Variants in PDE11A observed in about 807,000 individuals in gnomAD.
PDE11A encodes the protein dual 3',5'-cyclic-AMP and -GMP phosphodiesterase 11A.
Under a neutral mutation model 100.5 loss-of-function variants are expected in PDE11A, and 100 were observed. The ratio of observed to expected loss-of-function variants is 1.00; its 90% CI spans 0.85 to 1.18. PDE11A has a LOEUF of 1.18. PDE11A is among the 50% of genes most tolerant of loss of function. PDE11A has a pLI of 0.00. For synonymous variants in PDE11A, 381 were observed against 420.8 expected, an observed-to-expected ratio of 0.91 and a Z score of 1.16; for missense variants, 1,141 against 1,152.6, an observed-to-expected ratio of 0.99 and a Z score of 0.15.
At chr2:177,655,690 C>T (rs1477471650) in intron 19 of PDE11A, among the ~76,000 whole-genome samples, 1 of 152,148 alleles carries the variant, frequency 6.6e-6, no homozygotes, top group Non-Finnish European at 1.5e-5. Flanking sequence ...AGGTACACAC[C>T]ACCATGCCTG....
At chr2:178,016,558 G>A (rs1028334427) in intron 1 of PDE11A, among the ~76,000 whole-genome samples, 1 of 151,586 alleles carries the variant, frequency 6.6e-6, no homozygotes, top group Non-Finnish European at 1.5e-5. Flanking sequence ...ATGTATAGAT[G>A]TATATTTATA....
intron 4 of PDE11A, among the ~76,000 whole-genome samples, chr2:177,882,560 T>C (rs1295074894): frequency 1.3e-5 from 2 of 152,198 alleles, no homozygotes; most frequent in African/African-American, 4.8e-5. Flanking sequence ...TAAATTAATA[T>C]ACACACACTA....
At chr2:177,746,209 G>A (rs558783608) in intron 10 of PDE11A, among the ~76,000 whole-genome samples, 15 of 152,288 alleles carry the variant, frequency 9.8e-5, no homozygotes, top group South Asian at 2.1e-4. Context: ...AAAAAAATTC[G>A]TAGGTAAATT....
intron 6 of PDE11A, among the ~76,000 whole-genome samples, chr2:177,824,684 T>C (rs2105593570): frequency 6.6e-6 from 1 of 152,224 alleles, no homozygotes; most frequent in East Asian, 1.9e-4. Flanking sequence ...GCATTATTTA[T>C]CTTAGTGATT....
intron 2 of PDE11A, among the ~76,000 whole-genome samples, chr2:178,095,851 G>A (rs1038299217): frequency 1.3e-5 from 2 of 152,266 alleles, no homozygotes; most frequent in South Asian, 2.1e-4. Flanking sequence ...CTGAAGCAAC[G>A]ACCTGAGCTG....
At chr2:177,759,934 T>C (rs1558924673) in intron 10 of PDE11A, among the ~76,000 whole-genome samples, 1 of 152,212 alleles carries the variant, frequency 6.6e-6, no homozygotes, top group East Asian at 1.9e-4. Flanking sequence ...CATTCATGCT[T>C]ATTTGACCCC....
chr2:178,023,389 G>A (rs62183445), intron 1 of PDE11A, among the ~76,000 whole-genome samples: 34,471 of 152,118 alleles, frequency 0.23, 4,013 homozygotes, highest in African/African-American at 0.25. Flanking sequence ...TACTTTCTCA[G>A]AGAAATCACT....
intron 2 of PDE11A, among the ~76,000 whole-genome samples, chr2:177,989,707 A>G (rs529743132): frequency 2.6e-4 from 40 of 152,296 alleles, no homozygotes; most frequent in African/African-American, 9.1e-4. Context: ...GGTTAGGAGC[A>G]TTTATCTAAA....
chr2:177,867,614 T>A (rs1025670963), intron 5 of PDE11A, among the ~76,000 whole-genome samples: 3 of 152,120 alleles, frequency 2.0e-5, no homozygotes, highest in Admixed American at 2.0e-4. Flanking sequence ...TAGTCCTAGC[T>A]ACTCGGCAGG....
chr2:177,946,424 T>C (rs1574299436), intron 2 of PDE11A, among the ~76,000 whole-genome samples: 1 of 57,484 alleles, frequency 1.7e-5, no homozygotes, highest in African/African-American at 7.5e-5. Context: ...GGAGCCCCTC[T>C]GCCCGGCCAG....
chr2:177,892,163 A>G (rs748503881), intron 4 of PDE11A, among the ~76,000 whole-genome samples: 2 of 152,216 alleles, frequency 1.3e-5, no homozygotes, highest in Non-Finnish European at 2.9e-5. Flanking sequence ...TTTTAACGTC[A>G]TATTGGCTCC....
chr2:177,984,673 A>G (rs2085920861), intron 2 of PDE11A, among the ~76,000 whole-genome samples: 2 of 152,218 alleles, frequency 1.3e-5, no homozygotes, highest in Non-Finnish European at 2.9e-5. Flanking sequence ...TATTGTGATA[A>G]GTACAGTAGA....
chr2:178,009,323 A>G (rs956705329), intron 2 of PDE11A, among the ~76,000 whole-genome samples: 4 of 152,160 alleles, frequency 2.6e-5, no homozygotes, highest in Non-Finnish European at 5.9e-5. Flanking sequence ...GAAACCCACA[A>G]AGTGAACCAG....
At chr2:177,999,049 C>CA (rs1338794034) in intron 2 of PDE11A, among the ~76,000 whole-genome samples, 1 of 152,196 alleles carries the variant, frequency 6.6e-6, no homozygotes, top group Non-Finnish European at 1.5e-5. Context: ...ATAAGAATAG[C>CA]AAAACGCCCA....
intron 7 of PDE11A, 46 bp from the exon 8 acceptor site, chr2:177,817,971 T>C (rs2083070808): frequency 2.2e-6 from 2 of 892,590 alleles, no homozygotes; most frequent in Non-Finnish European, 3.8e-6. Flanking sequence ...GTACTGGACA[T>C]TGTGTTTCTC....
chr2:177,786,732 G>T (rs976026526), intron 9 of PDE11A, among the ~76,000 whole-genome samples: 6 of 152,258 alleles, frequency 3.9e-5, no homozygotes, highest in Admixed American at 3.3e-4. Flanking sequence ...CAAGAACTAC[G>T]TGAAGAATGC....
intron 5 of PDE11A, among the ~76,000 whole-genome samples, chr2:177,868,629 C>T (rs900008276): frequency 1.3e-5 from 2 of 152,086 alleles, no homozygotes; most frequent in Admixed American, 1.3e-4. Context: ...AATTCAGAGT[C>T]GTCAGTGTTC....
At chr2:177,925,065 T>C in intron 2 of PDE11A, among the ~76,000 whole-genome samples, 1 of 150,690 alleles carries the variant, frequency 6.6e-6, no homozygotes, top group Non-Finnish European at 1.5e-5. Context: ...GAACTCATCA[T>C]TTTTTATGGC....
chr2:177,998,042 G>A, intron 2 of PDE11A: 1 of 1,256,788 alleles, frequency 8.0e-7, no homozygotes, highest in South Asian at 1.2e-5. Context: ...GGTACTGCCT[G>A]CTGAGTGCAC....
Sources: allele counts gnomAD v4.1 joint callset (sites outside exome capture counted in the v4.1 genomes callset), GRCh38; gene constraint gnomAD v4.1.1; transcripts MANE v1.5; gene names NCBI Gene and HGNC (gene_info 2026-07-23, HGNC 2026-07-21).